C5orf24: variants seen among roughly 807,000 people sequenced by gnomAD.
The protein encoded by C5orf24 is UPF0461 protein C5orf24.
Under a neutral mutation model 9.8 loss-of-function variants are expected in C5orf24, and 4 were observed. The observed-to-expected ratio is 0.41, with a 90% CI of 0.20 to 0.93. The LOEUF is 0.93. C5orf24 is among the 40% of genes least tolerant of loss of function. The pLI, the probability that C5orf24 is intolerant of heterozygous loss-of-function variation, is 0.33. For synonymous variants in C5orf24, 73 were observed against 81.3 expected (o/e 0.90, Z 0.55); for missense variants, 170 against 236.9 (o/e 0.72, Z 1.85).
chr5:134,854,348 T>A (rs1423877267), intron 1 of C5orf24, among the ~76,000 whole-genome samples: 1 of 152,188 alleles, frequency 6.6e-6, no homozygotes, highest in Non-Finnish European at 1.5e-5. Context: ...CATGCTGTCT[T>A]TTGTGAAGTG....
chr5:134,837,119 A>C, the C5orf24 span, among the ~76,000 whole-genome samples: 1 of 151,886 alleles, frequency 6.6e-6, no homozygotes, highest in African/African-American at 2.4e-5. Context: ...GACTATAGGC[A>C]TGCGTCACCA....
upstream of C5orf24, among the ~76,000 whole-genome samples, chr5:134,842,412 C>G (rs1755907562): frequency 6.6e-6 from 1 of 151,812 alleles, no homozygotes; most frequent in Admixed American, 6.6e-5. Flanking sequence ...ATCGCTTGAA[C>G]CCGGGAAGTG....
intron 1 of C5orf24, chr5:134,846,524 C>T (rs1022422021): frequency 2.6e-5 from 4 of 152,242 alleles, no homozygotes; most frequent in African/African-American, 7.2e-5. Flanking sequence ...TGCCCGTGGA[C>T]TTCTACGCTT....
At chr5:134,851,352 C>T (rs1459875533) in intron 1 of C5orf24, among the ~76,000 whole-genome samples, 1 of 152,162 alleles carries the variant, frequency 6.6e-6, no homozygotes, top group Non-Finnish European at 1.5e-5. Flanking sequence ...TGAATAAAAA[C>T]TTAAGTGAGA....
At chr5:134,839,323 A>C in the C5orf24 span, among the ~76,000 whole-genome samples, 3 of 152,198 alleles carry the variant, frequency 2.0e-5, no homozygotes, top group Non-Finnish European at 4.4e-5. Context: ...TTTCAGTGGA[A>C]TATGAGCTCC....
the C5orf24 span, among the ~76,000 whole-genome samples, chr5:134,835,985 ATTTT>A: frequency 6.6e-6 from 1 of 150,590 alleles, no homozygotes; most frequent in Non-Finnish European, 1.5e-5. Context: ...CCGCACCTGG[ATTTT>A]TTTTTCTTTC....
rs1756311195 is a variant in C5orf24 at position 134,856,295 on chromosome 5, A to G, written c.*828A>G. 1 of 993,802 alleles carries G rather than the reference A, an allele frequency of 1.0e-6. No individual in the cohort carries two copies. The allele number at this position is 993,802 out of a possible 1,614,324, so 61.6% of individuals were successfully genotyped here. A position where few individuals can be genotyped will look rare whatever the true frequency, so the allele number is the denominator to read the frequency against. On this transcript the variant is annotated 3_prime_UTR_variant, in exon 2 of 2. Transcript: ENST00000394976. ...AAAAAGAAGCATTCTCTAGGTTTGC[A>G]TGTAGCTATAGTCACTATATTTTGC...
chr5:134,845,103 AGTAG>A (rs1755959143), upstream of C5orf24, among the ~76,000 whole-genome samples: 3 of 152,212 alleles, frequency 2.0e-5, no homozygotes, highest in Admixed American at 6.5e-5. Context: ...CCAGTCCCTC[AGTAG>A]TTTGAATGAA....
In C5orf24 at chr5:134,857,547, A is replaced by G; in HGVS notation, c.*2080A>G. On this transcript the variant is annotated 3_prime_UTR_variant, in exon 2 of 2. Transcript: ENST00000394976. ...AACGATGTTGGATGGTTACATAATC[A>G]GTTATAACATTCTGGCAGCTAAATT... is the stretch of plus-strand genomic sequence containing the variant. The G allele has an allele frequency of 1.9e-6, 2 of 1,039,554 alleles. No homozygotes were observed. The highest frequency in any genetic ancestry group is 2.5e-6 in the Non-Finnish European group (2 of 785,524). The allele number at this position is 1,039,554 out of a possible 1,614,324, so 64.4% of individuals were successfully genotyped here.
At chr5:134,835,530 C>A in the C5orf24 span, among the ~76,000 whole-genome samples, 2 of 152,056 alleles carry the variant, frequency 1.3e-5, no homozygotes, top group African/African-American at 4.8e-5. Context: ...GCCTATAATC[C>A]CAGCTACTTG....
chr5:134,836,732 CAG>C, the C5orf24 span, among the ~76,000 whole-genome samples: 3 of 151,490 alleles, frequency 2.0e-5, no homozygotes, highest in Admixed American at 6.6e-5. Flanking sequence ...TTAGTAGAGA[CAG>C]GGATTCACCA....
chr5:134,835,478 C>G, the C5orf24 span, among the ~76,000 whole-genome samples: 1 of 152,012 alleles, frequency 6.6e-6, no homozygotes, highest in Non-Finnish European at 1.5e-5. Flanking sequence ...AACCCAGTCT[C>G]TACTAAAAAA....
chr5:134,854,821 T>C, intron 1 of C5orf24, 77 bp from the exon 2 acceptor site: 1 of 1,500,472 alleles, frequency 6.7e-7, no homozygotes. Flanking sequence ...AGACAGACTG[T>C]TTTCTCACTG....
upstream of C5orf24, among the ~76,000 whole-genome samples, chr5:134,842,685 C>T (rs183608962): frequency 6.6e-6 from 1 of 152,180 alleles, no homozygotes; most frequent in East Asian, 1.9e-4. Context: ...GGCTAGATCT[C>T]CTTCTAAAGA....
intron 1 of C5orf24, among the ~76,000 whole-genome samples, chr5:134,848,336 A>G (rs999171512): frequency 1.3e-5 from 2 of 150,230 alleles, no homozygotes; most frequent in Non-Finnish European, 1.5e-5. Flanking sequence ...AAAACAAAAA[A>G]CAAATGTCGC....
Position 134,857,376 on chromosome 5 carries a change from CAGGTGTTCCAGTGA to C in C5orf24, c.*1910_*1923del. On this transcript the variant is annotated 3_prime_UTR_variant, in exon 2 of 2. Transcript: ENST00000394976. ...TATCAGGAAAAAAGCAGCAAGCCTTCAGGTGTTCCAGTGATGCCTGACACAATTGAGCTGGACTT... is the reference window on the plus strand; with the variant it reads ...TATCAGGAAAAAAGCAGCAAGCCTTCTGCCTGACACAATTGAGCTGGACTT... 13 of 1,548,362 alleles carry C rather than the reference CAGGTGTTCCAGTGA, an allele frequency of 8.4e-6. No individual in the cohort carries two copies. The highest frequency in any genetic ancestry group is 1.1e-5 in the Non-Finnish European group (13 of 1,145,480).
At position 134,856,249 on chromosome 5, in the gene C5orf24, A is replaced by T. The variant is rs1482644635; in HGVS notation, c.*782A>T. 1 of 991,148 alleles carries T rather than the reference A, an allele frequency of 1.0e-6. No homozygotes were observed. Among genetic ancestry groups the T allele is most frequent in the Non-Finnish European group, 1.2e-6 (1 of 821,862 alleles). The allele number at this position is 991,148 out of a possible 1,614,324, so 61.4% of individuals were successfully genotyped here. A position where few individuals can be genotyped will look rare whatever the true frequency, so the allele number is the denominator to read the frequency against. On this transcript the variant is annotated 3_prime_UTR_variant, in exon 2 of 2. Coordinates refer to ENST00000394976, the MANE Select transcript of C5orf24 (RefSeq NM_001135586.1). ...TGGTGAAATATAGTGCATTCTGAGG[A>T]TAGCATATTTCATATAATAGAAAAA...
At chr5:134,840,966 C>CT (rs1241658184), upstream of C5orf24, among the ~76,000 whole-genome samples, 3 of 152,168 alleles carry the variant, frequency 2.0e-5, no homozygotes, top group Admixed American at 1.3e-4. Context: ...TGACCCAGCT[C>CT]TTTCACACTA....
chr5:134,838,546 T>C, the C5orf24 span, among the ~76,000 whole-genome samples: 196 of 152,236 alleles, frequency 1.3e-3, no homozygotes, highest in African/African-American at 4.3e-3. Flanking sequence ...GGCAGGCACC[T>C]GTAATCCCAG....
Sources: gnomAD v4.1 joint callset for allele counts (sites outside exome capture counted in the v4.1 genomes callset) on GRCh38, gnomAD v4.1.1 for gene constraint, MANE v1.5 for transcripts, NCBI Gene and HGNC (gene_info 2026-07-23, HGNC 2026-07-21) for gene names.